The following STAT4 variants were observed in gnomAD, a reference collection of about 807,000 sequenced individuals.
STAT4 encodes signal transducer and activator of transcription 4.
A neutral mutation model predicts 110.5 loss-of-function variants in STAT4; 42 were observed. The observed-to-expected ratio is 0.38, with a 90% CI of 0.30 to 0.49. The LOEUF (loss-of-function observed/expected upper bound fraction) is 0.49. Among genes scored for constraint, STAT4 ranks in the 20% least tolerant of loss-of-function variants. STAT4 has a pLI of 0.95. For missense variants in STAT4, 632 were observed against 887.9 expected, an observed-to-expected ratio of 0.71 and a Z score of 3.66; for synonymous variants, 284 against 302.2, an observed-to-expected ratio of 0.94 and a Z score of 0.63.
rs1184564996 is a variant in STAT4, at chr2:191,057,576, CTTTTCTTTTTTTTTTTTTTCT to C, written c.1206+421_1206+441del. 3.6e-4 allele frequency among the ~76,000 whole-genome samples: 23 copies of C among 63,074 alleles called. 1 individual carries two copies. In the East Asian group the frequency reaches 9.9e-3, roughly 27 times the overall value. The allele number at this position is 63,074 out of a possible 152,430, so 41.4% of individuals were successfully genotyped here. On this transcript the variant is annotated intron_variant, in intron 13 of 23. Coordinates refer to ENST00000392320, the MANE Select transcript of STAT4 (RefSeq NM_003151.4). ...TATTTCTCAGCATGGTTCCTAATTT[CTTTTCTTTTTTTTTTTTTTCT>C]TTTTCTTTTTTTTTTTTTTGAGATG...
At position 191,029,816 on chromosome 2, in the gene STAT4, C is replaced by T. The variant is rs971223035; in HGVS notation, c.*24G>A. On this transcript the variant is annotated 3_prime_UTR_variant, in exon 24 of 24. Transcript: ENST00000392320. The surrounding 1 kb of genome is among the most constrained non-coding windows in gnomAD (Gnocchi z 4.5). ...TTAAACTTTTTCATTTGCTTCCTTT[C>T]TTGGTGCGTCAGAGTTTATCCTGTC... 12 of 1,596,568 alleles carry T rather than the reference C, an allele frequency of 7.5e-6. No individual in the cohort carries two copies. The highest frequency in any genetic ancestry group is 1.4e-5 in the African/African-American group (1 of 73,842).
Position 191,046,019 on chromosome 2 carries a change from A to G in STAT4, c.1252-4871T>C, listed in dbSNP as rs1696340752. ...CACCAAGAAGGTGTATTTTTGAACAATAGAAAATCTCACTGCCCACTAGGG... is the reference window on the plus strand; with the variant it reads ...CACCAAGAAGGTGTATTTTTGAACAGTAGAAAATCTCACTGCCCACTAGGG... On this transcript the variant is annotated intron_variant, in intron 14 of 23. Transcript: ENST00000392320. This position sits in a 1 kb window ranked among gnomAD's most constrained non-coding sequence, Gnocchi z 4.6. 6.6e-6 allele frequency among the ~76,000 whole-genome samples: 1 copy of G among 152,194 alleles called. No individual in the cohort carries two copies. The highest frequency in any genetic ancestry group is 1.5e-5 in the Non-Finnish European group (1 of 68,044).
At chr2:191,125,389 C>T (rs1235310488) in intron 3 of STAT4, among the ~76,000 whole-genome samples, 2 of 151,826 alleles carry the variant, frequency 1.3e-5, no homozygotes, top group Non-Finnish European at 2.9e-5. Flanking sequence ...TCACTATGTT[C>T]TTGACAGAAG....
At position 191,066,974 on chromosome 2, in the gene STAT4, A is replaced by T. The variant is rs934641463; in HGVS notation, c.545-459T>A. 6.6e-6 allele frequency among the ~76,000 whole-genome samples: 1 copy of T among 151,918 alleles called. No homozygotes were observed. The highest frequency in any genetic ancestry group is 1.5e-5 in the Non-Finnish European group (1 of 67,992). On this transcript the variant is annotated intron_variant, in intron 6 of 23. Transcript: ENST00000392320. This position sits in a 1 kb window ranked among gnomAD's most constrained non-coding sequence, Gnocchi z 4.3. ...TGCTTCATATGCAGGTTTTATGAGA[A>T]ACTGCCTGATAGAGTTACAGTCTTA...
chr2:191,101,459 A>G (rs1442174792), intron 3 of STAT4, among the ~76,000 whole-genome samples: 1 of 152,202 alleles, frequency 6.6e-6, no homozygotes, highest in Non-Finnish European at 1.5e-5. Context: ...AAAAGGAATA[A>G]AAGAATGGCC....
chr2:191,038,525 C>T (rs1400653), intron 16 of STAT4, among the ~76,000 whole-genome samples: 151,381 of 152,282 alleles, frequency 0.99, 75,247 homozygotes, highest in Middle Eastern at 1. Context: ...CTCTAGACCT[C>T]AGTGGTTTCC....
chr2:191,090,746 G>C lies in STAT4; in HGVS notation c.274-14421C>G, dbSNP rs958590124. 1.3e-5 allele frequency among the ~76,000 whole-genome samples: 2 copies of C among 152,018 alleles called. No individual in the cohort carries two copies. Among genetic ancestry groups the C allele is most frequent in the African/African-American group, 4.8e-5 (2 of 41,370 alleles). The stretch of plus-strand genomic sequence containing the variant: ...CGGCTAATTTTTTGTATTTTTAGTA[G>C]AGACAGGGTTTCACCGTGTTAGCCT... On this transcript the variant is annotated intron_variant, in intron 3 of 23. Transcript: ENST00000392320. This position sits in a 1 kb window ranked among gnomAD's most constrained non-coding sequence, Gnocchi z 4.2.
Position 191,066,945 on chromosome 2 carries a change from G to C in STAT4, c.545-430C>G, listed in dbSNP as rs2125242800. Among the ~76,000 whole-genome samples the C allele has an allele frequency of 6.6e-6, 1 of 152,032 alleles. No homozygotes were observed. The highest frequency in any genetic ancestry group is 2.1e-4 in the South Asian group (1 of 4,804). On this transcript the variant is annotated intron_variant, in intron 6 of 23. Coordinates refer to ENST00000392320, the MANE Select transcript of STAT4 (RefSeq NM_003151.4). This position sits in a 1 kb window ranked among gnomAD's most constrained non-coding sequence, Gnocchi z 4.3. The stretch of plus-strand genomic sequence containing the variant: ...CTGTTGCCTTCACATACCCCTCCCT[G>C]CTCTGCTTCATATGCAGGTTTTATG...
chr2:191,131,406 G>A (rs1551441), intron 3 of STAT4: 98,554 of 154,412 alleles, frequency 0.64, 32,234 homozygotes, highest in South Asian at 0.78. Flanking sequence ...CTACTGCTAC[G>A]CACATCTGTA....
In STAT4 at chr2:191,110,302, C is replaced by T. The variant is rs774006270; in HGVS notation, c.274-33977G>A. Among the ~76,000 whole-genome samples, 12 of 152,134 alleles carry T rather than the reference C, an allele frequency of 7.9e-5. No individual in the cohort carries two copies. The highest frequency in any genetic ancestry group is 1.3e-4 in the Non-Finnish European group (9 of 68,020). On this transcript the variant is annotated intron_variant, in intron 3 of 23. Coordinates refer to ENST00000392320, the MANE Select transcript of STAT4 (RefSeq NM_003151.4). The surrounding 1 kb of genome is among the most constrained non-coding windows in gnomAD (Gnocchi z 4.5). ...TGGCTCTGTGATCGGTGTTGGGAGG[C>T]ATATGAAAGTTCCCAGGGAGGCTAA...
chr2:191,069,297 T>C (rs1004169073), intron 6 of STAT4, among the ~76,000 whole-genome samples: 1 of 152,120 alleles, frequency 6.6e-6, no homozygotes, highest in Non-Finnish European at 1.5e-5. Context: ...ATTATATTAT[T>C]AAAATACTAC....
intron 3 of STAT4, 30 bp from the exon 4 acceptor site, chr2:191,076,355 C>G (rs1033172795): frequency 6.6e-7 from 1 of 1,524,070 alleles, no homozygotes; most frequent in African/African-American, 1.4e-5. Flanking sequence ...GCAAAAATAA[C>G]TAACGTAAAG....
intron 13 of STAT4, among the ~76,000 whole-genome samples, chr2:191,056,168 T>C (rs1696686626): frequency 6.6e-6 from 1 of 152,230 alleles, no homozygotes; most frequent in Non-Finnish European, 1.5e-5. Context: ...TTTAACATTT[T>C]ATCTTTTAGA....
At position 191,058,280 on chromosome 2, in the gene STAT4, A is replaced by G; in HGVS notation, c.1095-61T>C. 1 of 1,431,410 alleles carries G rather than the reference A, an allele frequency of 7.0e-7. No homozygotes were observed. Among genetic ancestry groups the G allele is most frequent in the Non-Finnish European group, 9.6e-7 (1 of 1,041,764 alleles). 88.7% of individuals were successfully genotyped at this position (1,431,410 alleles called of 1,614,324 possible). ...TTAATAGATCTAGGAATAACTTTCT[A>G]TGATAGTTTATTTTATTTATTTATT... On this transcript the variant is annotated intron_variant, in intron 11 of 23. Transcript: ENST00000392320. This position sits in a 1 kb window ranked among gnomAD's most constrained non-coding sequence, Gnocchi z 4.3.
At chr2:191,136,843 T>A (rs113745929) in intron 3 of STAT4, among the ~76,000 whole-genome samples, 25 of 152,330 alleles carry the variant, frequency 1.6e-4, no homozygotes, top group African/African-American at 5.8e-4. Context: ...CTAGGTCTGA[T>A]AAATAGGTTC....
At chr2:191,096,071 A>G (rs937405799) in intron 3 of STAT4, among the ~76,000 whole-genome samples, 16 of 152,210 alleles carry the variant, frequency 1.1e-4, no homozygotes, top group African/African-American at 3.4e-4. Context: ...TAAACCAGGA[A>G]GAAGTTGAAT....
At chr2:191,073,256 C>T (rs1030634643) in intron 4 of STAT4, 66 bp from the exon 5 acceptor site, 10 of 1,325,674 alleles carry the variant, frequency 7.5e-6, no homozygotes, top group African/African-American at 7.3e-5. Context: ...CAATACATAC[C>T]GCATACAATT....
rs567003322 is a variant in STAT4, at chr2:191,144,583, C to T, written c.273+2030G>A. On this transcript the variant is annotated intron_variant, in intron 3 of 23. Coordinates refer to ENST00000392320, the MANE Select transcript of STAT4 (RefSeq NM_003151.4). The surrounding 1 kb of genome is among the most constrained non-coding windows in gnomAD (Gnocchi z 4.7). ...AGATGAGTTTGTGCTCGAGCTGAAGCGTGACTGGGGGTAACTGCAGGTTTT... is the reference window on the plus strand; with the variant it reads ...AGATGAGTTTGTGCTCGAGCTGAAGTGTGACTGGGGGTAACTGCAGGTTTT... Among the ~76,000 whole-genome samples, 2 of 149,422 alleles carry T rather than the reference C, an allele frequency of 1.3e-5. No individual in the cohort carries two copies. Among genetic ancestry groups the T allele is most frequent in the African/African-American group, 2.5e-5 (1 of 40,576 alleles).
upstream of STAT4, chr2:191,151,291 T>G (rs1349767369): frequency 1.0e-6 from 1 of 985,572 alleles, no homozygotes; most frequent in East Asian, 1.1e-4. The surrounding 1 kb of genome is among the most constrained non-coding windows in gnomAD (Gnocchi z 4.7). Flanking sequence ...TTTTCTTCAG[T>G]GGTTTCCTTA....
Sources: allele counts gnomAD v4.1 joint callset (sites outside exome capture counted in the v4.1 genomes callset), GRCh38; gene constraint gnomAD v4.1.1; non-coding constraint Gnocchi (gnomAD v3.1); transcripts MANE v1.5; gene names NCBI Gene and HGNC (gene_info 2026-07-23, HGNC 2026-07-21).